LRBA: variants seen among roughly 807,000 people sequenced by gnomAD.
LRBA encodes the protein LPS responsive beige-like anchor protein, also known as lipopolysaccharide-responsive and beige-like anchor protein.
LRBA carries 176 observed loss-of-function variants against 330.0 expected under a neutral mutation model. That is an observed-to-expected ratio of 0.53 (90% CI 0.47 to 0.60). The LOEUF (loss-of-function observed/expected upper bound fraction) is 0.60, where lower values mean the gene tolerates loss of function less well. Ranked by LOEUF, LRBA falls within the 20% of genes least tolerant of loss-of-function variation. LRBA has a pLI of 0.00. For synonymous variants in LRBA, 1,230 were observed against 1,193.0 expected, an observed-to-expected ratio of 1.03 and a Z score of -0.64; for missense variants, 3,259 against 3,444.8, an observed-to-expected ratio of 0.95 and a Z score of 1.35.
intron 47 of LRBA, among the ~76,000 whole-genome samples, chr4:150,395,965 G>A (rs1261015876): frequency 6.6e-6 from 1 of 152,072 alleles, no homozygotes; most frequent in Non-Finnish European, 1.5e-5. Flanking sequence ...TCTTTCCCCC[G>A]TAGACTATTA....
At chr4:150,955,296 A>G (rs567113398) in intron 2 of LRBA, among the ~76,000 whole-genome samples, 3 of 149,142 alleles carry the variant, frequency 2.0e-5, no homozygotes, top group Non-Finnish European at 4.4e-5. Context: ...AAGGAAAAAA[A>G]GAAAATAGAA....
At chr4:150,411,662 G>A (rs1346352071) in intron 47 of LRBA, among the ~76,000 whole-genome samples, 1 of 152,156 alleles carries the variant, frequency 6.6e-6, no homozygotes, top group Non-Finnish European at 1.5e-5. Context: ...AGAAGCCGAA[G>A]TATCGTCTGT....
chr4:150,736,522 A>G (rs1731197433), intron 35 of LRBA, among the ~76,000 whole-genome samples: 1 of 152,136 alleles, frequency 6.6e-6, no homozygotes, highest in South Asian at 2.1e-4. Context: ...AATTTACTGA[A>G]AGATAGGTCA....
chr4:150,383,824 A>G (rs1286458147), intron 47 of LRBA, among the ~76,000 whole-genome samples: 1 of 152,176 alleles, frequency 6.6e-6, no homozygotes, highest in Non-Finnish European at 1.5e-5. Context: ...CGTTAGAACA[A>G]GACACTCTCA....
At chr4:150,466,277 T>TAAA (rs1487819119) in intron 44 of LRBA, among the ~76,000 whole-genome samples, 1 of 142,342 alleles carries the variant, frequency 7.0e-6, no homozygotes, top group African/African-American at 2.4e-5. Context: ...CTGGAATGAG[T>TAAA]AAATAAGAGA....
chr4:150,909,182 T>C (rs1350057459), intron 9 of LRBA, among the ~76,000 whole-genome samples: 1 of 152,194 alleles, frequency 6.6e-6, no homozygotes, highest in African/African-American at 2.4e-5. Flanking sequence ...AAGTGTATAA[T>C]TGAGAAACAT....
intron 37 of LRBA, among the ~76,000 whole-genome samples, chr4:150,620,896 A>G (rs1391747476): frequency 6.6e-6 from 1 of 152,076 alleles, no homozygotes; most frequent in African/African-American, 2.4e-5. Context: ...AAAATCTCAG[A>G]CTTCACCTCT....
intron 37 of LRBA, among the ~76,000 whole-genome samples, chr4:150,661,752 A>G (rs573027168): frequency 1.9e-4 from 29 of 152,068 alleles, no homozygotes; most frequent in Admixed American, 6.5e-4. Context: ...CTGGGATTAC[A>G]GGAGCCCACC....
intron 47 of LRBA, among the ~76,000 whole-genome samples, chr4:150,370,474 T>C (rs1481765940): frequency 3.3e-5 from 5 of 151,680 alleles, no homozygotes; most frequent in South Asian, 2.1e-4. Flanking sequence ...ATATGATACA[T>C]TGGAAAAGGC....
At chr4:151,012,706 T>C (rs1196472530) in intron 2 of LRBA, 1 of 152,154 alleles carries the variant, frequency 6.6e-6, no homozygotes, top group East Asian at 1.9e-4. Flanking sequence ...TTTTAAAATA[T>C]GCATGTGTGT....
intron 31 of LRBA, among the ~76,000 whole-genome samples, chr4:150,814,833 T>G (rs185431783): frequency 6.6e-6 from 1 of 152,010 alleles, no homozygotes; most frequent in Non-Finnish European, 1.5e-5. Flanking sequence ...GTCTTCAAGA[T>G]AGCAAATTGT....
intron 22 of LRBA, among the ~76,000 whole-genome samples, chr4:150,861,270 G>GGTGTGTGCGTGTGTGTGTGTGTGT (rs1751894180): frequency 1.5e-5 from 2 of 137,814 alleles, no homozygotes; most frequent in African/African-American, 5.5e-5. Context: ...CCCAGCTAAT[G>GGTGTGTGCGTGTGTGTGTGTGTGT]GTGTGTGTGT....
At chr4:150,625,410 C>T (rs1453325821) in intron 37 of LRBA, among the ~76,000 whole-genome samples, 2 of 152,136 alleles carry the variant, frequency 1.3e-5, no homozygotes, top group Non-Finnish European at 2.9e-5. Context: ...TATATTTTAT[C>T]TCAAATGAGC....
At chr4:150,625,933 C>G (rs1231011954) in intron 37 of LRBA, among the ~76,000 whole-genome samples, 2 of 151,838 alleles carry the variant, frequency 1.3e-5, no homozygotes, top group Non-Finnish European at 2.9e-5. Context: ...TGGTCTTGAA[C>G]TCCTGACCTC....
intron 47 of LRBA, among the ~76,000 whole-genome samples, chr4:150,352,381 T>G (rs983316893): frequency 6.6e-6 from 1 of 152,204 alleles, no homozygotes; most frequent in African/African-American, 2.4e-5. Context: ...ATATTTAACA[T>G]AGCTTTATGA....
chr4:150,490,776 T>C (rs1362197908), intron 41 of LRBA, 142 bp downstream of exon 41: 2 of 444,272 alleles, frequency 4.5e-6, no homozygotes, highest in Non-Finnish European at 8.1e-6. Context: ...TGAAGAAGCA[T>C]TTGGTACAAA....
intron 40 of LRBA, among the ~76,000 whole-genome samples, chr4:150,503,986 G>A (rs1581513357): frequency 6.6e-6 from 1 of 152,186 alleles, no homozygotes; most frequent in African/African-American, 2.4e-5. Context: ...GGAAGAAAGG[G>A]TATCAGTGAT....
At chr4:150,923,460 C>T (rs1733550247) in intron 4 of LRBA, among the ~76,000 whole-genome samples, 1 of 152,144 alleles carries the variant, frequency 6.6e-6, no homozygotes, top group African/African-American at 2.4e-5. Context: ...ACAGTCACTT[C>T]CTCAGGGTAG....
intron 2 of LRBA, among the ~76,000 whole-genome samples, chr4:150,937,861 C>A (rs1433889135): frequency 1.3e-5 from 2 of 152,084 alleles, no homozygotes; most frequent in African/African-American, 4.8e-5. Context: ...TGACATTAGT[C>A]ACTAATCTAA....
Sources: allele counts gnomAD v4.1 joint callset (sites outside exome capture counted in the v4.1 genomes callset), GRCh38; gene constraint gnomAD v4.1.1; transcripts MANE v1.5; gene names NCBI Gene and HGNC (gene_info 2026-07-23, HGNC 2026-07-21).